The following TAS2R1 variants were observed in gnomAD, a reference collection of about 807,000 sequenced individuals.
The protein encoded by TAS2R1 is taste 2 receptor member 1.
For missense variants in TAS2R1, 370 were observed against 353.4 expected, an observed-to-expected ratio of 1.05 and a Z score of -0.38; for synonymous variants, 141 against 134.2, an observed-to-expected ratio of 1.05 and a Z score of -0.35.
At chr5:9,842,741 T>G in the TAS2R1 span, among the ~76,000 whole-genome samples, 1 of 152,032 alleles carries the variant, frequency 6.6e-6, no homozygotes, top group Non-Finnish European at 1.5e-5. Flanking sequence ...TAGTTTTCCA[T>G]GGGTCCTAAT....
rs528218131 is a variant in TAS2R1 at position 9,667,295 on chromosome 5, G to A, written c.-241-7714C>T. On this transcript the variant is annotated intron_variant, in intron 1 of 2. Coordinates refer to the TAS2R1 transcript ENST00000506620. ...ACTCTACCTACCCCCACCTCTCGTA[G>A]CCAGGAAAGCTTTACCTGTTAGAGC... 2.7e-4 allele frequency among the ~76,000 whole-genome samples: 41 copies of A among 152,236 alleles called. No individual in the cohort carries two copies. In the South Asian group the frequency reaches 8.3e-3, roughly 31 times the overall value.
At chr5:9,765,508 A>T in the TAS2R1 span, 1 of 152,128 alleles carries the variant, frequency 6.6e-6, no homozygotes, top group Admixed American at 6.5e-5. Flanking sequence ...AAAAAAAAAA[A>T]ATCCACGAAA....
chr5:9,667,926 C>T (rs560296004), intron 1 of TAS2R1, among the ~76,000 whole-genome samples: 1 of 152,208 alleles, frequency 6.6e-6, no homozygotes, highest in Admixed American at 6.5e-5. Flanking sequence ...CTTAACCAGG[C>T]TGAAATGTCA....
chr5:9,781,835 T>C, the TAS2R1 span, among the ~76,000 whole-genome samples: 1 of 152,280 alleles, frequency 6.6e-6, no homozygotes, highest in South Asian at 2.1e-4. Context: ...AGCCTCTCCA[T>C]CCATCATCCC....
the TAS2R1 span, among the ~76,000 whole-genome samples, chr5:9,759,439 C>A: frequency 6.6e-6 from 1 of 152,170 alleles, no homozygotes; most frequent in Non-Finnish European, 1.5e-5. Flanking sequence ...ACCCAGGGTG[C>A]TTGTACAGTT....
the TAS2R1 span, among the ~76,000 whole-genome samples, chr5:9,821,379 A>C: frequency 6.6e-6 from 1 of 152,350 alleles, no homozygotes; most frequent in African/African-American, 2.4e-5. Context: ...GAGGAGTGTC[A>C]ATAAAAGCAC....
chr5:9,780,673 A>ATGTGTGTGTG, the TAS2R1 span, among the ~76,000 whole-genome samples: 152 of 151,612 alleles, frequency 1.0e-3, no homozygotes, highest in East Asian at 5.3e-3. Context: ...AACTAACAGA[A>ATGTGTGTGTG]TGTGTGTGTG....
At chr5:9,733,450 G>A in the TAS2R1 span, among the ~76,000 whole-genome samples, 1 of 152,226 alleles carries the variant, frequency 6.6e-6, no homozygotes, top group South Asian at 2.1e-4. Context: ...CAGGCAAAGT[G>A]ACTGCTGCTA....
chr5:9,876,069 T>C, the TAS2R1 span, among the ~76,000 whole-genome samples: 1 of 152,002 alleles, frequency 6.6e-6, no homozygotes, highest in Non-Finnish European at 1.5e-5. Context: ...TCCAGAGTGG[T>C]GTCCTCTCCT....
the TAS2R1 span, among the ~76,000 whole-genome samples, chr5:9,871,461 A>T: frequency 1.3e-5 from 2 of 152,218 alleles, no homozygotes; most frequent in Non-Finnish European, 2.9e-5. Context: ...ATCATGCCAC[A>T]GTGTCCACTC....
intron 1 of TAS2R1, among the ~76,000 whole-genome samples, chr5:9,698,591 G>GAAAACCTCAA (rs936376509): frequency 2.0e-5 from 3 of 152,072 alleles, no homozygotes; most frequent in African/African-American, 7.2e-5. Context: ...GCTCTTACAG[G>GAAAACCTCAA]AAAACCTAAA....
chr5:9,888,037 C>T, the TAS2R1 span, among the ~76,000 whole-genome samples: 1 of 152,054 alleles, frequency 6.6e-6, no homozygotes, highest in Admixed American at 6.6e-5. Context: ...CTGAGAGCAC[C>T]AGGGAGGCAG....
the TAS2R1 span, among the ~76,000 whole-genome samples, chr5:9,842,312 C>CTTTTTTTTTTTTTTTTTTTTTTTTTTTTT: frequency 1.7e-5 from 2 of 120,378 alleles, 1 homozygote. Flanking sequence ...GTCTTTCTTT[C>CTTTTTTTTTTTTTTTTTTTTTTTTTTTTT]TCTCTTTTTT....
the TAS2R1 span, among the ~76,000 whole-genome samples, chr5:9,779,121 T>A: frequency 1.3e-5 from 2 of 152,336 alleles, no homozygotes; most frequent in African/African-American, 4.8e-5. Context: ...AATGGCTTGG[T>A]GCCGTCCTCG....
intron 1 of TAS2R1, among the ~76,000 whole-genome samples, chr5:9,703,595 C>T (rs1199269114): frequency 6.6e-6 from 1 of 152,130 alleles, no homozygotes; most frequent in African/African-American, 2.4e-5. Flanking sequence ...ATGAGGTAGA[C>T]CAATCCCCGG....
At chr5:9,740,193 T>G in the TAS2R1 span, among the ~76,000 whole-genome samples, 17 of 152,212 alleles carry the variant, frequency 1.1e-4, no homozygotes, top group Non-Finnish European at 2.1e-4. Context: ...AATTATGGAT[T>G]TGTCCGAAAG....
At chr5:9,755,746 G>A in the TAS2R1 span, among the ~76,000 whole-genome samples, 1 of 152,146 alleles carries the variant, frequency 6.6e-6, no homozygotes, top group Non-Finnish European at 1.5e-5. Context: ...TTCCAGAAAG[G>A]CATGGGCAAT....
the TAS2R1 span, among the ~76,000 whole-genome samples, chr5:9,719,240 A>G: frequency 1.2e-4 from 18 of 152,010 alleles, no homozygotes; most frequent in South Asian, 2.5e-3. Context: ...AAAATTGTGT[A>G]TGTGTGTGTG....
the TAS2R1 span, among the ~76,000 whole-genome samples, chr5:9,785,148 A>G: frequency 6.6e-6 from 1 of 152,040 alleles, no homozygotes; most frequent in Non-Finnish European, 1.5e-5. Context: ...CCACTCTCTC[A>G]TCTCCCCACA....
Sources: gnomAD v4.1 joint callset for allele counts (sites outside exome capture counted in the v4.1 genomes callset) on GRCh38, gnomAD v4.1.1 for gene constraint, MANE v1.5 for transcripts, NCBI Gene and HGNC (gene_info 2026-07-23, HGNC 2026-07-21) for gene names.